KLHL29: variants seen among roughly 807,000 people sequenced by gnomAD.
KLHL29 encodes kelch-like protein 29.
A neutral mutation model predicts 80.4 loss-of-function variants in KLHL29; 21 were observed. That is an observed-to-expected ratio of 0.26 (90% CI 0.19 to 0.38). The LOEUF is 0.38. KLHL29 is among the 10% of genes least tolerant of loss of function. The pLI is 1.00. For missense variants in KLHL29, 867 were observed against 1,223.9 expected, an observed-to-expected ratio of 0.71 and a Z score of 4.35; for synonymous variants, 511 against 526.8, an observed-to-expected ratio of 0.97 and a Z score of 0.41.
At chr2:23,540,131 C>T (rs1422107570) in intron 2 of KLHL29, among the ~76,000 whole-genome samples, 1 of 152,164 alleles carries the variant, frequency 6.6e-6, no homozygotes, top group African/African-American at 2.4e-5. Flanking sequence ...CCTTCATGTC[C>T]CCCAGGATCT....
rs1381584730 is a variant in KLHL29, at chr2:23,675,099, C to T, written c.941-9300C>T. Among the ~76,000 whole-genome samples, 6 of 152,214 alleles carry T rather than the reference C, an allele frequency of 3.9e-5. No individual in the cohort carries two copies. In the East Asian group the frequency reaches 7.7e-4, roughly 20 times the overall value. ...TCACCCAAGTCTCCCAAGCCCTGGC[C>T]TTCTCCCAAGGTCTCTCGGCCCTGC... is the stretch of plus-strand genomic sequence containing the variant. On this transcript the variant is annotated intron_variant, in intron 5 of 13. Transcript: ENST00000486442.
chr2:23,638,421 CTT>C, intron 3 of KLHL29, among the ~76,000 whole-genome samples: 1 of 151,542 alleles, frequency 6.6e-6, no homozygotes, highest in African/African-American at 2.4e-5. Flanking sequence ...TTATTTTTTC[CTT>C]CATCTACAAA....
intron 3 of KLHL29, among the ~76,000 whole-genome samples, chr2:23,578,778 C>A (rs539736536): frequency 7.2e-5 from 11 of 152,204 alleles, no homozygotes; most frequent in Non-Finnish European, 1.6e-4. Context: ...AATTATATTT[C>A]TTTTCCACGG....
At chr2:23,551,842 G>T (rs905023023) in intron 2 of KLHL29, among the ~76,000 whole-genome samples, 9 of 152,220 alleles carry the variant, frequency 5.9e-5, no homozygotes, top group Non-Finnish European at 1.0e-4. Context: ...CCAAGACTCT[G>T]CATTTCTCAC....
chr2:23,550,239 C>G (rs911283765), intron 2 of KLHL29, among the ~76,000 whole-genome samples: 1 of 152,130 alleles, frequency 6.6e-6, no homozygotes, highest in Non-Finnish European at 1.5e-5. Flanking sequence ...TGCATTAACC[C>G]AAGGGCATGC....
In KLHL29 at chr2:23,680,647, G is replaced by GTCTCTAGGCCATCTTCTCCTGGGC. The variant is rs1558436877; in HGVS notation, c.941-3735_941-3712dup. 2.0e-5 allele frequency among the ~76,000 whole-genome samples: 3 copies of GTCTCTAGGCCATCTTCTCCTGGGC among 150,088 alleles called. No individual in the cohort carries two copies. The highest frequency in any genetic ancestry group is 4.5e-5 in the Non-Finnish European group (3 of 67,408). ...GCTCTCTAGGCCATCTTCTCCTGGG[G>GTCTCTAGGCCATCTTCTCCTGGGC]TCTCTAGGCCATCTTCTCCTGGGCT... On this transcript the variant is annotated intron_variant, in intron 5 of 13. Coordinates refer to ENST00000486442, the MANE Select transcript of KLHL29 (RefSeq NM_052920.2). This position sits in a 1 kb window ranked among gnomAD's most constrained non-coding sequence, Gnocchi z 4.1.
At chr2:23,420,216 C>T (rs907812599) in intron 1 of KLHL29, among the ~76,000 whole-genome samples, 2 of 152,170 alleles carry the variant, frequency 1.3e-5, no homozygotes, top group East Asian at 1.9e-4. Flanking sequence ...AACAATCCCT[C>T]AGCCATTTCA....
chr2:23,389,045 G>T (rs554242097), intron 1 of KLHL29, among the ~76,000 whole-genome samples: 20 of 105,068 alleles, frequency 1.9e-4, no homozygotes, highest in Admixed American at 1.2e-4. Flanking sequence ...GGCATTCTTT[G>T]TGTCATCGGT....
chr2:23,525,537 C>G (rs1666276312), intron 2 of KLHL29, among the ~76,000 whole-genome samples: 1 of 152,222 alleles, frequency 6.6e-6, no homozygotes, highest in Non-Finnish European at 1.5e-5. Flanking sequence ...TGACCAGCAG[C>G]CAAGGGACAG....
chr2:23,640,616 C>T (rs1238605107), intron 4 of KLHL29, among the ~76,000 whole-genome samples: 1 of 152,222 alleles, frequency 6.6e-6, no homozygotes, highest in Admixed American at 6.5e-5. Context: ...AGAATCTTGC[C>T]ATTACTTCAC....
chr2:23,690,154 G>A (rs555184248), intron 6 of KLHL29: 3 of 152,278 alleles, frequency 2.0e-5, no homozygotes, highest in Non-Finnish European at 4.4e-5. Flanking sequence ...CCCTGGGAGG[G>A]CGGTGCCTGA....
intron 3 of KLHL29, among the ~76,000 whole-genome samples, chr2:23,599,226 C>T (rs1668506759): frequency 6.6e-6 from 1 of 152,170 alleles, no homozygotes; most frequent in South Asian, 2.1e-4. Context: ...CCCGTGTTGC[C>T]CCCAGCCTTG....
At chr2:23,576,897 C>T (rs1424886274) in intron 3 of KLHL29, among the ~76,000 whole-genome samples, 2 of 152,182 alleles carry the variant, frequency 1.3e-5, no homozygotes, top group Non-Finnish European at 2.9e-5. Context: ...AGACTTGAGC[C>T]TTGATAGACC....
At chr2:23,675,999 G>T (rs1004151856) in intron 5 of KLHL29, among the ~76,000 whole-genome samples, 2 of 152,106 alleles carry the variant, frequency 1.3e-5, no homozygotes, top group African/African-American at 2.4e-5. Context: ...TGCTCAGGAG[G>T]CCAGAGAGAA....
At chr2:23,641,942 C>T (rs1669779893) in intron 4 of KLHL29, among the ~76,000 whole-genome samples, 1 of 152,164 alleles carries the variant, frequency 6.6e-6, no homozygotes, top group South Asian at 2.1e-4. Context: ...TGAGATCGCG[C>T]CACTACACTC....
chr2:23,530,886 T>G (rs1666470112), intron 2 of KLHL29, among the ~76,000 whole-genome samples: 1 of 152,190 alleles, frequency 6.6e-6, no homozygotes, highest in Non-Finnish European at 1.5e-5. Context: ...TGTATGAACT[T>G]AGAAATGGAA....
chr2:23,489,663 G>T lies in KLHL29; in HGVS notation c.-46+13996G>T, dbSNP rs570467420. Among the ~76,000 whole-genome samples, 371 of 152,052 alleles carry T rather than the reference G, an allele frequency of 2.4e-3. 2 individuals are homozygous for T. The highest frequency in any genetic ancestry group is 6.9e-3 in the Admixed American group (106 of 15,272). On this transcript the variant is annotated intron_variant, in intron 2 of 13. Coordinates refer to ENST00000486442, the MANE Select transcript of KLHL29 (RefSeq NM_052920.2). ...CTCCACTCTGGGATGGGGGCATGGTGGTGGCAAGGCCCTTCCTGCAGGGAC... is the reference window on the plus strand; with the variant it reads ...CTCCACTCTGGGATGGGGGCATGGTTGTGGCAAGGCCCTTCCTGCAGGGAC...
intron 3 of KLHL29, chr2:23,617,487 G>A (rs1669050485): frequency 1.3e-5 from 2 of 152,268 alleles, no homozygotes; most frequent in South Asian, 4.1e-4. Context: ...AGAAACAGCA[G>A]TATTATTTTC....
chr2:23,671,407 G>C lies in KLHL29; in HGVS notation c.941-12992G>C, dbSNP rs536639808. On this transcript the variant is annotated intron_variant, in intron 5 of 13. Coordinates refer to ENST00000486442, the MANE Select transcript of KLHL29 (RefSeq NM_052920.2). ...GGTGGCTGACTTTCCCAAAGCCGTA[G>C]CTGACCAGATCTTGGAAAGATTAGG... Among the ~76,000 whole-genome samples, 9 of 152,202 alleles carry C rather than the reference G, an allele frequency of 5.9e-5. No individual in the cohort carries two copies. In the East Asian group the frequency reaches 1.7e-3, roughly 30 times the overall value.
Sources: gnomAD v4.1 joint callset for allele counts (sites outside exome capture counted in the v4.1 genomes callset) on GRCh38, gnomAD v4.1.1 for gene constraint, Gnocchi (gnomAD v3.1) non-coding constraint, MANE v1.5 for transcripts, NCBI Gene and HGNC (gene_info 2026-07-23, HGNC 2026-07-21) for gene names.